CCDC39: variants seen among roughly 807,000 people sequenced by gnomAD.
The protein encoded by CCDC39 is coiled-coil domain 39 molecular ruler complex subunit, also known as coiled-coil domain-containing protein 39.
Under a neutral mutation model 121.0 loss-of-function variants are expected in CCDC39, and 113 were observed. The ratio of observed to expected loss-of-function variants is 0.93; its 90% CI spans 0.80 to 1.09. The LOEUF (loss-of-function observed/expected upper bound fraction) is 1.09, where lower values mean the gene tolerates loss of function less well. CCDC39 is among the 50% of genes least tolerant of loss of function. The probability of loss-of-function intolerance (pLI) is 0.00; values close to 1 mark genes in which losing one functional copy is unlikely to be tolerated. For synonymous variants in CCDC39, 349 were observed against 352.2 expected (o/e 0.99, Z 0.10); for missense variants, 1,063 against 1,074.7 (o/e 0.99, Z 0.15).
chr3:180,667,526 G>T (rs187317204), intron 1 of CCDC39, among the ~76,000 whole-genome samples: 3 of 152,178 alleles, frequency 2.0e-5, no homozygotes, highest in African/African-American at 7.2e-5. Flanking sequence ...TCAGTGATCA[G>T]TGAGCGTCGA....
chr3:180,650,442 C>G (rs1718172678), intron 9 of CCDC39, among the ~76,000 whole-genome samples: 1 of 152,102 alleles, frequency 6.6e-6, no homozygotes, highest in Admixed American at 6.5e-5. Context: ...AGTTGTAAAA[C>G]AAAGCCACTT....
chr3:180,659,576 TCTAA>T lies in CCDC39; in HGVS notation c.610_613del (p.Leu204AsnfsTer27), dbSNP rs1415346246. 16 of 1,612,120 alleles carry T rather than the reference TCTAA, an allele frequency of 9.9e-6. No individual in the cohort carries two copies. Among genetic ancestry groups the T allele is most frequent in the East Asian group, 4.5e-5 (2 of 44,752 alleles). On this transcript the variant is annotated frameshift_variant and splice_region_variant, in exon 6 of 20. Transcript: ENST00000476379. LOFTEE classifies it high-confidence loss of function. The stretch of plus-strand genomic sequence containing the variant: ...AAAATCTTGTGCTGCTTTATCCAAT[TCTAA>T]CTGTCAAACAGAGAGCAAAGAACAT...
At chr3:180,669,810 A>C (rs1711983129) in intron 1 of CCDC39, among the ~76,000 whole-genome samples, 1 of 152,166 alleles carries the variant, frequency 6.6e-6, no homozygotes, top group Non-Finnish European at 1.5e-5. Flanking sequence ...TATCTTGACC[A>C]GTATCTATAA....
intron 12 of CCDC39, among the ~76,000 whole-genome samples, chr3:180,643,353 G>A (rs1718003880): frequency 6.6e-6 from 1 of 151,674 alleles, no homozygotes; most frequent in Non-Finnish European, 1.5e-5. Context: ...ACAAACTAGA[G>A]CTCCAAAGAA....
intron 13 of CCDC39, among the ~76,000 whole-genome samples, chr3:180,635,476 C>T (rs1230812538): frequency 2.6e-5 from 4 of 152,170 alleles, no homozygotes; most frequent in African/African-American, 9.7e-5. Flanking sequence ...AAATAAAAAA[C>T]GAGTTGCTTC....
At chr3:180,657,869 T>TTG (rs1711622862) in intron 6 of CCDC39, among the ~76,000 whole-genome samples, 6 of 152,340 alleles carry the variant, frequency 3.9e-5, no homozygotes, top group South Asian at 4.1e-4. Context: ...AAAGAAACTC[T>TTG]GCTTCCATTA....
chr3:180,643,258 C>T (rs1195423625), intron 12 of CCDC39, among the ~76,000 whole-genome samples: 1 of 151,508 alleles, frequency 6.6e-6, no homozygotes, highest in Admixed American at 6.6e-5. Context: ...CGTGCCCGGC[C>T]GACAGAGACA....
Position 180,616,913 on chromosome 3 carries a change from T to C in CCDC39, c.2319A>G (p.Glu773=), listed in dbSNP as rs773369122. 2 of 1,546,134 alleles carry C rather than the reference T, an allele frequency of 1.3e-6. No homozygotes were observed. Among genetic ancestry groups the C allele is most frequent in the East Asian group, 4.5e-5 (2 of 44,394 alleles). ...VIEHLANNVK[E]KLSEKQAYSF... is the part of the protein sequence containing the mutation. The stretch of plus-strand genomic sequence containing the variant: ...AATAAGCCTGCTTCTCTGATAACTT[T>C]TCTTTAACATTATTTGCCAAATGTT... Residue 773 remains glutamate, a synonymous_variant, in exon 17 of 20, where the codon GAA becomes GAG. Transcript: ENST00000476379.
chr3:180,615,917 C>T (rs972288136), intron 19 of CCDC39, among the ~76,000 whole-genome samples: 3 of 152,158 alleles, frequency 2.0e-5, no homozygotes, highest in Admixed American at 6.5e-5. Flanking sequence ...TATGTCTGTA[C>T]ATCTAAGCTG....
chr3:180,659,925 C>T (rs1370697878), intron 4 of CCDC39, among the ~76,000 whole-genome samples, 156 bp from the exon 5 acceptor site: 1 of 151,862 alleles, frequency 6.6e-6, no homozygotes, highest in African/African-American at 2.4e-5. Context: ...CTTTTAACCC[C>T]AAAAAGCTAA....
intron 14 of CCDC39, among the ~76,000 whole-genome samples, chr3:180,622,704 T>C (rs572511297): frequency 6.7e-4 from 102 of 152,268 alleles, no homozygotes; most frequent in African/African-American, 2.4e-3. Flanking sequence ...GTTTATGTGA[T>C]GTATCATGTT....
chr3:180,617,111 T>C, intron 16 of CCDC39, 145 bp from the exon 17 acceptor site: 1 of 569,814 alleles, frequency 1.8e-6, no homozygotes, highest in Non-Finnish European at 3.0e-6. Flanking sequence ...CTTAATGACA[T>C]CTCGGTCAAT....
intron 1 of CCDC39, among the ~76,000 whole-genome samples, chr3:180,666,193 T>C (rs747773869): frequency 2.6e-5 from 4 of 152,160 alleles, no homozygotes; most frequent in Non-Finnish European, 5.9e-5. Context: ...CTACTCTAGG[T>C]ACCTCATATA....
intron 6 of CCDC39, among the ~76,000 whole-genome samples, chr3:180,656,892 G>A (rs1711592516): frequency 6.6e-6 from 1 of 152,144 alleles, no homozygotes; most frequent in Non-Finnish European, 1.5e-5. Flanking sequence ...GGTCTAAAAG[G>A]GGGAGGCATG....
intron 19 of CCDC39, 147 bp downstream of exon 19, chr3:180,616,134 C>T (rs768621176): frequency 5.9e-6 from 4 of 682,768 alleles, no homozygotes; most frequent in Non-Finnish European, 1.1e-5. Context: ...CTATATGATG[C>T]TGACTAGTGA....
At chr3:180,632,846 A>G (rs1457820200) in intron 13 of CCDC39, among the ~76,000 whole-genome samples, 1 of 152,212 alleles carries the variant, frequency 6.6e-6, no homozygotes, top group African/African-American at 2.4e-5. Context: ...CTGTGAGGCT[A>G]TAATCAACAA....
intron 1 of CCDC39, among the ~76,000 whole-genome samples, chr3:180,670,212 G>A (rs1262196690): frequency 1.3e-5 from 2 of 151,396 alleles, no homozygotes; most frequent in Non-Finnish European, 2.9e-5. Context: ...GACAACCACT[G>A]CCTTGTAAAA....
At chr3:180,633,558 A>G (rs1717752791) in intron 13 of CCDC39, among the ~76,000 whole-genome samples, 1 of 152,130 alleles carries the variant, frequency 6.6e-6, no homozygotes, top group Non-Finnish European at 1.5e-5. Context: ...AAGGGGGGAG[A>G]TTAGGCAGAG....
chr3:180,670,639 C>CT (rs573623299), intron 1 of CCDC39, among the ~76,000 whole-genome samples: 27,103 of 120,340 alleles, frequency 0.23, 2,626 homozygotes, highest in East Asian at 0.38. Flanking sequence ...TTTTTTTTCT[C>CT]TTTTTTTTTT....
Sources: allele counts gnomAD v4.1 joint callset (sites outside exome capture counted in the v4.1 genomes callset), GRCh38; gene constraint gnomAD v4.1.1; transcripts MANE v1.5; gene names NCBI Gene and HGNC (gene_info 2026-07-23, HGNC 2026-07-21).